The following XYLT1 variants were observed in gnomAD, a reference collection of about 807,000 sequenced individuals.
XYLT1 encodes the protein beta-D-xylosyltransferase 1.
XYLT1 carries 36 observed loss-of-function variants against 91.3 expected under a neutral mutation model. The ratio of observed to expected loss-of-function variants is 0.39; its 90% CI spans 0.30 to 0.52. XYLT1 has a LOEUF of 0.52. Among genes scored for constraint, XYLT1 ranks in the 20% least tolerant of loss-of-function variants. The pLI, the probability that XYLT1 is intolerant of heterozygous loss-of-function variation, is 0.68. For synonymous variants in XYLT1, 588 were observed against 532.0 expected (o/e 1.11, Z -1.45); for missense variants, 1,242 against 1,284.5 (o/e 0.97, Z 0.51).
intron 1 of XYLT1, among the ~76,000 whole-genome samples, chr16:17,437,394 A>G (rs1247199938): frequency 1.3e-5 from 2 of 152,218 alleles, no homozygotes; most frequent in Non-Finnish European, 2.9e-5. Flanking sequence ...CTCCGCCTCC[A>G]ATCGTATTTG....
intron 9 of XYLT1, among the ~76,000 whole-genome samples, chr16:17,129,091 A>C (rs1205047640): frequency 1.4e-5 from 2 of 144,274 alleles, no homozygotes; most frequent in Non-Finnish European, 3.1e-5. Flanking sequence ...AAAAAAAAAA[A>C]AAAAAACTTG....
At position 17,470,851 on chromosome 16, in the gene XYLT1, CCCCCGCGCT is replaced by C; in HGVS notation, c.-64_-56del. On this transcript the variant is annotated 5_prime_UTR_variant, in exon 1 of 12. Transcript: ENST00000261381. ...GGGGACCCCGGCACGCTCCGGGCCG[CCCCCGCGCT>C]CCCCGCAGCTCCCGCGGCCGCCGGC... 1.2e-6 allele frequency: 1 copy of C among 839,440 alleles called. No homozygotes were observed. The highest frequency in any genetic ancestry group is 2.6e-4 in the East Asian group (1 of 3,824). The allele number at this position is 839,440 out of a possible 1,614,324, so 52.0% of individuals were successfully genotyped here.
intron 3 of XYLT1, among the ~76,000 whole-genome samples, chr16:17,247,388 C>T (rs1403197682): frequency 6.6e-6 from 1 of 152,180 alleles, no homozygotes; most frequent in Non-Finnish European, 1.5e-5. Flanking sequence ...AGAAAATCAT[C>T]ACAAACCACC....
intron 2 of XYLT1, among the ~76,000 whole-genome samples, chr16:17,345,197 G>T (rs1329014212): frequency 6.6e-6 from 1 of 152,230 alleles, no homozygotes; most frequent in Admixed American, 6.5e-5. Context: ...CTTCACTCAT[G>T]TGGTGACGAC....
At chr16:17,398,644 G>A (rs942182925) in intron 1 of XYLT1, among the ~76,000 whole-genome samples, 20 of 152,082 alleles carry the variant, frequency 1.3e-4, no homozygotes, top group African/African-American at 4.8e-4. Flanking sequence ...GGTGTTGGTA[G>A]GGTTGGTTCC....
At chr16:17,222,212 A>T (rs1426740221) in intron 3 of XYLT1, among the ~76,000 whole-genome samples, 1 of 152,188 alleles carries the variant, frequency 6.6e-6, no homozygotes, top group Non-Finnish European at 1.5e-5. Flanking sequence ...TATGTCACAG[A>T]AACATACTAA....
At chr16:17,169,147 T>TGG (rs2031765965) in intron 5 of XYLT1, among the ~76,000 whole-genome samples, 1 of 152,118 alleles carries the variant, frequency 6.6e-6, no homozygotes, top group South Asian at 2.1e-4. Context: ...CACAGAACAC[T>TGG]GGGGGATGCA....
chr16:17,404,950 C>T (rs2036012074), intron 1 of XYLT1, among the ~76,000 whole-genome samples: 1 of 152,168 alleles, frequency 6.6e-6, no homozygotes, highest in Admixed American at 6.5e-5. Flanking sequence ...AGGTGCCCTC[C>T]ACACAGAATA....
At chr16:17,145,091 T>C (rs2031097313) in intron 6 of XYLT1, among the ~76,000 whole-genome samples, 1 of 152,232 alleles carries the variant, frequency 6.6e-6, no homozygotes, top group South Asian at 2.1e-4. Flanking sequence ...TTACCAATTC[T>C]AGATATTTCA....
chr16:17,397,827 CTTTT>C lies in XYLT1; in HGVS notation c.364-39781_364-39778del, dbSNP rs749199983. Among the ~76,000 whole-genome samples, 59 of 108,716 alleles carry C rather than the reference CTTTT, an allele frequency of 5.4e-4. 1 individual carries two copies. The South Asian group carries it at 0.016, about 29-fold the overall frequency. 71.3% of individuals were successfully genotyped at this position (108,716 alleles called of 152,430 possible). ...AGGGCACTCCATAGTTTGAATAGCT[CTTTT>C]TTTTTTTTTTTTTTTTTGAGACAGT... On this transcript the variant is annotated intron_variant, in intron 1 of 11. Transcript: ENST00000261381.
chr16:17,442,532 T>TA (rs750463274), intron 1 of XYLT1, among the ~76,000 whole-genome samples: 1 of 152,144 alleles, frequency 6.6e-6, no homozygotes, highest in Admixed American at 6.5e-5. Flanking sequence ...CCCACATATT[T>TA]AAGTTGAGGA....
At chr16:17,364,470 T>C (rs1045157847) in intron 1 of XYLT1, among the ~76,000 whole-genome samples, 1 of 152,174 alleles carries the variant, frequency 6.6e-6, no homozygotes, top group Non-Finnish European at 1.5e-5. Context: ...ACCTCAGAAA[T>C]GATCTTCTCT....
chr16:17,269,332 T>G (rs1013818315), intron 2 of XYLT1, among the ~76,000 whole-genome samples: 1 of 151,476 alleles, frequency 6.6e-6, no homozygotes, highest in Middle Eastern at 3.2e-3. Flanking sequence ...CTACACAGGC[T>G]TTCACCACTA....
At chr16:17,245,227 A>C (rs555818829) in intron 3 of XYLT1, among the ~76,000 whole-genome samples, 15 of 152,308 alleles carry the variant, frequency 9.8e-5, no homozygotes, top group African/African-American at 3.4e-4. Context: ...TCCTTTCTGC[A>C]TTATTTGGGC....
chr16:17,236,760 G>A (rs1300658432), intron 3 of XYLT1, among the ~76,000 whole-genome samples: 2 of 152,114 alleles, frequency 1.3e-5, no homozygotes, highest in Non-Finnish European at 1.5e-5. Context: ...CTGTCTTTAC[G>A]TCCATGTTCC....
chr16:17,272,443 C>T (rs1003105445), intron 2 of XYLT1, among the ~76,000 whole-genome samples: 1 of 152,008 alleles, frequency 6.6e-6, no homozygotes, highest in Non-Finnish European at 1.5e-5. Flanking sequence ...AGATTACAGG[C>T]TTTGAGCCAC....
chr16:17,388,628 C>A (rs141535853), intron 1 of XYLT1, among the ~76,000 whole-genome samples: 1 of 152,058 alleles, frequency 6.6e-6, no homozygotes, highest in African/African-American at 2.4e-5. Flanking sequence ...AGGATTATTG[C>A]GAAGGGCAGA....
At chr16:17,351,047 C>T (rs1221595803) in intron 2 of XYLT1, among the ~76,000 whole-genome samples, 1 of 152,162 alleles carries the variant, frequency 6.6e-6, no homozygotes, top group African/African-American at 2.4e-5. Flanking sequence ...TCTGCACATT[C>T]TTTGCACTAG....
At chr16:17,246,074 A>T (rs932561125) in intron 3 of XYLT1, among the ~76,000 whole-genome samples, 1 of 152,186 alleles carries the variant, frequency 6.6e-6, no homozygotes, top group African/African-American at 2.4e-5. Flanking sequence ...ATAGACACCA[A>T]AGTGCAGTGG....
Sources: gnomAD v4.1 joint callset for allele counts (sites outside exome capture counted in the v4.1 genomes callset) on GRCh38, gnomAD v4.1.1 for gene constraint, MANE v1.5 for transcripts, NCBI Gene and HGNC (gene_info 2026-07-23, HGNC 2026-07-21) for gene names.